The following KIDINS220 variants were observed in gnomAD, a reference collection of about 807,000 sequenced individuals.
KIDINS220 encodes kinase D-interacting substrate of 220 kDa.
KIDINS220 carries 63 observed loss-of-function variants against 157.6 expected under a neutral mutation model. The ratio of observed to expected loss-of-function variants is 0.40; its 90% CI spans 0.33 to 0.49. The LOEUF (loss-of-function observed/expected upper bound fraction) is 0.49, where lower values mean the gene tolerates loss of function less well. Ranked by LOEUF, KIDINS220 falls within the 20% of genes least tolerant of loss-of-function variation. The pLI, the probability that KIDINS220 is intolerant of heterozygous loss-of-function variation, is 0.66. For missense variants in KIDINS220, 1,772 were observed against 2,171.2 expected (o/e 0.82, Z 3.65); for synonymous variants, 732 against 783.6 (o/e 0.93, Z 1.10).
rs1673547509 is a variant in KIDINS220, at chr2:8,793,970, C to T, written c.1116G>A (p.Leu372=). ...GGCTCCTTCCACGAATAGCAATATG[C>T]AAGGGAGTATCTCCTTTCTGTAAAA... ...SAVDKKGDTP[L]HIAIRGRSRK... is the part of the protein sequence containing the mutation. Residue 372 remains leucine, a synonymous_variant, in exon 12 of 30, where the codon TTG becomes TTA. Coordinates refer to ENST00000256707, the MANE Select transcript of KIDINS220 (RefSeq NM_020738.4). The T allele has an allele frequency of 6.2e-7, 1 of 1,610,214 alleles. No homozygotes were observed. Among genetic ancestry groups the T allele is most frequent in the Non-Finnish European group, 8.5e-7 (1 of 1,178,812 alleles).
In KIDINS220 at chr2:8,747,981, A is replaced by C; in HGVS notation, c.3434T>G (p.Leu1145Arg). 2 of 1,578,628 alleles carry C rather than the reference A, an allele frequency of 1.3e-6. No individual in the cohort carries two copies. The highest frequency in any genetic ancestry group is 2.3e-5 in the East Asian group (1 of 42,764). The stretch of plus-strand genomic sequence containing the variant: ...GCCAGGGTAATACCTTGGCGTGTAA[A>C]GGTATGGGGCAAAGAATGGCTATGG... ...FYNRPFFAPY[L>R]YTPRYYPGGS... Residue 1145 changes from leucine to arginine, a missense_variant, in exon 25 of 30, where the codon CTT becomes CGT. Physicochemically the swap from Leu to Arg is moderately radical, Grantham distance 102. Transcript: ENST00000256707.
rs375005677 is a variant in KIDINS220, at chr2:8,729,776, CAATT to C, written c.*940_*943del. ...AATTAAATATTTCCTTGTCATTTAT[CAATT>C]GTCACTGACCTTTTTGATGTAATTA... On this transcript the variant is annotated 3_prime_UTR_variant, in exon 30 of 30. Coordinates refer to ENST00000256707, the MANE Select transcript of KIDINS220 (RefSeq NM_020738.4). 1.2e-5 allele frequency: 12 copies of C among 982,490 alleles called. No homozygotes were observed. In the African/African-American group the frequency reaches 1.4e-4, roughly 11 times the overall value. The allele number at this position is 982,490 out of a possible 1,614,324, so 60.9% of individuals were successfully genotyped here.
At chr2:8,791,294 T>C (rs968817043) in intron 12 of KIDINS220, 70 bp from the exon 13 acceptor site, 18 of 1,359,102 alleles carry the variant, frequency 1.3e-5, no homozygotes, top group African/African-American at 8.7e-5. Context: ...ACTATTTTCA[T>C]TGTTTCCTTG....
chr2:8,811,709 A>C (rs1482563878), intron 6 of KIDINS220, among the ~76,000 whole-genome samples: 1 of 152,186 alleles, frequency 6.6e-6, no homozygotes, highest in Non-Finnish European at 1.5e-5. Flanking sequence ...GCTTTCCAAA[A>C]GTAAGAAGAA....
intron 17 of KIDINS220, among the ~76,000 whole-genome samples, chr2:8,780,112 T>A (rs537146806): frequency 6.6e-6 from 1 of 152,332 alleles, no homozygotes; most frequent in South Asian, 2.1e-4. Flanking sequence ...AGGCTCTGAA[T>A]GTGAAAAGAT....
At chr2:8,771,853 T>C (rs923996668) in intron 21 of KIDINS220, among the ~76,000 whole-genome samples, 1 of 152,088 alleles carries the variant, frequency 6.6e-6, no homozygotes, top group Non-Finnish European at 1.5e-5. Flanking sequence ...TGAGCATTGA[T>C]GGAGACATGG....
intron 2 of KIDINS220, among the ~76,000 whole-genome samples, chr2:8,825,160 T>A (rs1229413850): frequency 1.3e-5 from 2 of 151,804 alleles, no homozygotes; most frequent in African/African-American, 4.8e-5. Context: ...TCACTTGAGG[T>A]CAGGAGTTCG....
chr2:8,758,165 G>A (rs866073758), intron 22 of KIDINS220, among the ~76,000 whole-genome samples: 4 of 152,266 alleles, frequency 2.6e-5, no homozygotes, highest in Admixed American at 6.5e-5. Context: ...GCCCAGCCCT[G>A]TATGGCTTTT....
chr2:8,734,855 C>G, intron 27 of KIDINS220, 102 bp from the exon 28 acceptor site: 1 of 775,428 alleles, frequency 1.3e-6, no homozygotes. Context: ...TTAAATAAGT[C>G]TCTAGAGACC....
At chr2:8,757,561 G>C in intron 22 of KIDINS220, 3 of 1,506,908 alleles carry the variant, frequency 2.0e-6, no homozygotes, top group Non-Finnish European at 2.7e-6. Flanking sequence ...TCTCATGAAG[G>C]CCAGTACCTC....
chr2:8,799,429 G>T (rs1056721610), intron 9 of KIDINS220, among the ~76,000 whole-genome samples: 18 of 151,906 alleles, frequency 1.2e-4, no homozygotes, highest in African/African-American at 4.1e-4. Context: ...CAGCAACCCG[G>T]CCAGGCTCTT....
Position 8,747,273 on chromosome 2 carries a change from A to T in KIDINS220, c.3529-72T>A, listed in dbSNP as rs1294145015. The T allele has an allele frequency of 9.3e-6, 12 of 1,286,478 alleles. No individual in the cohort carries two copies. In the Admixed American group the frequency reaches 1.7e-4, roughly 18 times the overall value. 79.7% of individuals were successfully genotyped at this position (1,286,478 alleles called of 1,614,324 possible). A position where few individuals can be genotyped will look rare whatever the true frequency, so the allele number is the denominator to read the frequency against. On this transcript the variant is annotated intron_variant, in intron 25 of 29. Coordinates refer to ENST00000256707, the MANE Select transcript of KIDINS220 (RefSeq NM_020738.4). ...AGCCAAACTGTGAAGACAAATGAAC[A>T]TGATGGTAAAATAATATACAACACT...
intron 12 of KIDINS220, 147 bp from the exon 13 acceptor site, chr2:8,791,371 G>A (rs935307293): frequency 4.6e-5 from 26 of 561,816 alleles, no homozygotes; most frequent in African/African-American, 4.4e-4. Flanking sequence ...GAGTCTCTGA[G>A]CCTATTCTGA....
chr2:8,725,423 T>A (rs1455824508), downstream of KIDINS220: 2 of 152,328 alleles, frequency 1.3e-5, no homozygotes, highest in African/African-American at 4.8e-5. Flanking sequence ...AAAAGGAACA[T>A]TTCATTAAAA....
chr2:8,738,891 G>C (rs1481808221), intron 26 of KIDINS220, among the ~76,000 whole-genome samples: 1 of 152,144 alleles, frequency 6.6e-6, no homozygotes, highest in East Asian at 1.9e-4. Context: ...TGTTTACATT[G>C]ACAGAATAGC....
At chr2:8,790,858 T>C (rs559839092) in intron 13 of KIDINS220, among the ~76,000 whole-genome samples, 36 of 152,294 alleles carry the variant, frequency 2.4e-4, no homozygotes, top group Admixed American at 4.6e-4. Context: ...AAGGGTTTTA[T>C]GTGGGGTTAT....
At chr2:8,732,859 G>A (rs922071716) in intron 29 of KIDINS220, among the ~76,000 whole-genome samples, 3 of 151,960 alleles carry the variant, frequency 2.0e-5, no homozygotes, top group African/African-American at 7.2e-5. Context: ...TTCCTCCTGC[G>A]CTCTCCTCAC....
At position 8,750,235 on chromosome 2, in the gene KIDINS220, C is replaced by G; in HGVS notation, c.3291G>C (p.Gln1097His). 1 of 1,614,156 alleles carries G rather than the reference C, an allele frequency of 6.2e-7. No individual in the cohort carries two copies. ...ACGTGGAAGAGCACACGGATGGGGG[C>G]TGGCTGTACCCTGATGGCGCCCTAG... ...GPPRAPSGYS[Q>H]PPSVCSSTSF... The change falls in exon 24 of 30, where the codon CAG becomes CAC. Residue 1097 changes from glutamine (Q) to histidine (H), a missense_variant. Gln to His is a conservative substitution (Grantham distance 24, BLOSUM62 0). This residue lies in a region of KIDINS220 where 793 missense variants were observed against 885.5 expected (regional missense o/e 0.90). Coordinates refer to ENST00000256707, the MANE Select transcript of KIDINS220 (RefSeq NM_020738.4).
chr2:8,733,233 T>G (rs537453514), intron 29 of KIDINS220, among the ~76,000 whole-genome samples: 1 of 152,320 alleles, frequency 6.6e-6, no homozygotes, highest in African/African-American at 2.4e-5. Context: ...CATCAATGTC[T>G]ACATGAGCTA....
Sources: allele counts gnomAD v4.1 joint callset (sites outside exome capture counted in the v4.1 genomes callset), GRCh38; gene constraint gnomAD v4.1.1; regional missense constraint gnomAD v4.1.1; transcripts MANE v1.5; gene names NCBI Gene and HGNC (gene_info 2026-07-23, HGNC 2026-07-21).